SSH1: variants seen among roughly 807,000 people sequenced by gnomAD.
SSH1 encodes the protein protein phosphatase Slingshot homolog 1.
A neutral mutation model predicts 79.7 loss-of-function variants in SSH1; 43 were observed. The ratio of observed to expected loss-of-function variants is 0.54; its 90% CI spans 0.42 to 0.70. The LOEUF is 0.70. SSH1 is among the 30% of genes least tolerant of loss of function. The pLI is 0.00. For missense variants in SSH1, 1,206 were observed against 1,358.8 expected, an observed-to-expected ratio of 0.89 and a Z score of 1.77; for synonymous variants, 599 against 538.3, an observed-to-expected ratio of 1.11 and a Z score of -1.56.
In SSH1 at chr12:108,792,843, G is replaced by A. The variant is rs1565971652; in HGVS notation, c.1350-14C>T. 2 of 1,612,860 alleles carry A rather than the reference G, an allele frequency of 1.2e-6. No homozygotes were observed. The highest frequency in any genetic ancestry group is 1.3e-5 in the African/African-American group (1 of 75,028). ...TGCCGCTGTTTGCTGCGGGGAGAGA[G>A]GGTAGAGGAAGGTGAGGGGAGGAGG... On this transcript the variant is annotated splice_polypyrimidine_tract_variant and intron_variant, in intron 13 of 14. Transcript: ENST00000326495.
rs778240627 is a variant in SSH1, at chr12:108,788,169, T to A, written c.2969A>T (p.Glu990Val). ...CGGGTCAGCCTCACTGGACAGGTCT[T>A]CCGTTGAGAAGGTGAGACTCCCCAG... The part of the protein sequence containing the change: ...AKLGSLTFST[E>V]DLSSEADPST... Residue 990 changes from glutamate (E) to valine (V), a missense_variant, in exon 15 of 15, where the codon GAA becomes GTA. Around this residue, in one of 5 missense-constraint regions of SSH1, gnomAD observed 709 missense variants for 730.6 expected, o/e 0.97. Transcript: ENST00000326495. The A allele has an allele frequency of 1.2e-5, 19 of 1,613,912 alleles. No individual in the cohort carries two copies. The highest frequency in any genetic ancestry group is 3.3e-4 in the Middle Eastern group (2 of 6,062).
rs1398935389 is a variant in SSH1 at position 108,779,240 on chromosome 12, C to T, written c.*8748G>A. ...TTGAAAATGGACTCTTAACAAGGTA[C>T]TTCAGGATGCACAATTTCCATTTAA... is the stretch of plus-strand genomic sequence containing the variant. On this transcript the variant is annotated 3_prime_UTR_variant, in exon 15 of 15. Transcript: ENST00000326495. 3.9e-5 allele frequency: 6 copies of T among 152,194 alleles called. No homozygotes were observed. The highest frequency in any genetic ancestry group is 4.8e-5 in the African/African-American group (2 of 41,446). 9.4% of individuals were successfully genotyped at this position (152,194 alleles called of 1,614,324 possible). A position where few individuals can be genotyped will look rare whatever the true frequency, so the allele number is the denominator to read the frequency against.
chr12:108,818,898 T>C (rs1040792621), intron 3 of SSH1, among the ~76,000 whole-genome samples: 1 of 152,128 alleles, frequency 6.6e-6, no homozygotes, highest in Non-Finnish European at 1.5e-5. Flanking sequence ...GGATTACAGG[T>C]GCCCATCACC....
At chr12:108,798,938 G>T in intron 13 of SSH1, 62 bp downstream of exon 13, 1 of 1,583,002 alleles carries the variant, frequency 6.3e-7, no homozygotes, top group Non-Finnish European at 8.6e-7. Flanking sequence ...AGGCCTGGCT[G>T]GCTTGGCCAC....
At chr12:108,821,935 G>C (rs2038137554) in intron 3 of SSH1, among the ~76,000 whole-genome samples, 1 of 152,194 alleles carries the variant, frequency 6.6e-6, no homozygotes, top group African/African-American at 2.4e-5. Context: ...ACCTGCTGCT[G>C]TTCTGAAAGG....
At chr12:108,821,449 C>T (rs2137179212) in intron 3 of SSH1, among the ~76,000 whole-genome samples, 1 of 152,026 alleles carries the variant, frequency 6.6e-6, no homozygotes, top group South Asian at 2.1e-4. Context: ...CTGTTTATAG[C>T]TGTATTGTAC....
Position 108,801,078 on chromosome 12 carries a change from A to G in SSH1, c.1002-152T>C, listed in dbSNP as rs1343832627. On this transcript the variant is annotated intron_variant, in intron 11 of 14. Transcript: ENST00000326495. The stretch of plus-strand genomic sequence containing the variant: ...GGACTTTGGTTTTTCCTTAATAGCT[A>G]TGTTTTTTGGTATTTTCTAAATGCC... The G allele has an allele frequency of 9.4e-6, 7 of 743,070 alleles. No individual in the cohort carries two copies. The African/African-American group carries it at 1.0e-4, about 11-fold the overall frequency. 46.0% of individuals were successfully genotyped at this position (743,070 alleles called of 1,614,324 possible). A position where few individuals can be genotyped will look rare whatever the true frequency, so the allele number is the denominator to read the frequency against.
intron 1 of SSH1, among the ~76,000 whole-genome samples, chr12:108,853,827 G>C (rs1246669148): frequency 6.6e-6 from 1 of 152,090 alleles, no homozygotes; most frequent in Non-Finnish European, 1.5e-5. Context: ...GGGAGGCTGA[G>C]GCAGGAGAAT....
At chr12:108,826,190 C>G (rs55703857) in intron 2 of SSH1, 2 of 446,762 alleles carry the variant, frequency 4.5e-6, no homozygotes, top group South Asian at 3.2e-5. Flanking sequence ...CTTGGTTTCC[C>G]TTATATTTCC....
Position 108,819,361 on chromosome 12 carries a change from C to T in SSH1, c.215-1048G>A, listed in dbSNP as rs11114063. The stretch of plus-strand genomic sequence containing the variant: ...TCTCTTACTGGCCATGAGTCTCGCG[C>T]GAAGCAGAGACCCTGTCAGAAGAAG... On this transcript the variant is annotated intron_variant, in intron 3 of 14. Coordinates refer to ENST00000326495, the MANE Select transcript of SSH1 (RefSeq NM_018984.4). Among the ~76,000 whole-genome samples the T allele has an allele frequency of 6.0e-3, 916 of 152,256 alleles. 7 individuals carry two copies. The highest frequency in any genetic ancestry group is 8.3e-3 in the Non-Finnish European group (564 of 68,028).
At position 108,805,140 on chromosome 12, in the gene SSH1, T is replaced by C. The variant is rs375143131; in HGVS notation, c.870A>G (p.Glu290=). 13 of 1,613,514 alleles carry C rather than the reference T, an allele frequency of 8.1e-6. No individual in the cohort carries two copies. The highest frequency in any genetic ancestry group is 3.3e-4 in the Middle Eastern group (2 of 6,062). Residue 290 remains glutamate (E), a synonymous_variant, in exon 10 of 15, where the codon GAA becomes GAG. Transcript: ENST00000326495. The part of the protein sequence containing the change: ...LEKQMNCNLK[E]LKEFIDNEML... The stretch of plus-strand genomic sequence containing the variant: ...TCTCATTGTCTATAAATTCCTTGAG[T>C]TCCTTCAAGTTACAATTCATCTGTT...
intron 13 of SSH1, among the ~76,000 whole-genome samples, chr12:108,794,392 C>T (rs974499990): frequency 5.9e-5 from 9 of 152,168 alleles, no homozygotes; most frequent in African/African-American, 2.2e-4. Context: ...AGTGAGGGGC[C>T]GCGGTGTACC....
rs768050316 is a variant in SSH1 at position 108,818,266 on chromosome 12, C to T, written c.262G>A (p.Glu88Lys). The T allele has an allele frequency of 9.9e-6, 16 of 1,613,810 alleles. No individual in the cohort carries two copies. Among genetic ancestry groups the T allele is most frequent in the East Asian group, 8.9e-5 (4 of 44,866 alleles). Residue 88 changes from glutamate to lysine, a missense_variant, in exon 4 of 15, where the codon GAA becomes AAA. Physicochemically the swap from Glu to Lys is moderately conservative, Grantham distance 56 (BLOSUM62 1). Transcript: ENST00000326495. Reference sequence around the variant, plus strand: ...CTTCTTACCAGCTTGATTCTGTCTTCGCAACGCAGAAGGTTGATCATCACC... The same window carrying T: ...CTTCTTACCAGCTTGATTCTGTCTTTGCAACGCAGAAGGTTGATCATCACC... ...LQVMINLLRC[E>K]DRIKLAVRLE...
At chr12:108,823,542 C>T (rs763174244) in intron 2 of SSH1, among the ~76,000 whole-genome samples, 181 bp from the exon 3 acceptor site, 6 of 152,224 alleles carry the variant, frequency 3.9e-5, no homozygotes, top group Non-Finnish European at 5.9e-5. Context: ...TTGCTAAAAG[C>T]TTGCTGCTGG....
Position 108,798,229 on chromosome 12 carries a change from A to G in SSH1, c.1349+771T>C, listed in dbSNP as rs150847727. On this transcript the variant is annotated intron_variant, in intron 13 of 14. Coordinates refer to ENST00000326495, the MANE Select transcript of SSH1 (RefSeq NM_018984.4). Reference sequence around the variant, plus strand: ...CAAAAAGGGGTCAAGAAAATATACTACATCAGCAAGGCTGGTCTCGAACTC... The same window carrying G: ...CAAAAAGGGGTCAAGAAAATATACTGCATCAGCAAGGCTGGTCTCGAACTC... Among the ~76,000 whole-genome samples the G allele has an allele frequency of 2.1e-3, 319 of 152,330 alleles. 2 individuals carry two copies. The highest frequency in any genetic ancestry group is 7.4e-3 in the African/African-American group (309 of 41,572).
chr12:108,840,924 C>T (rs1179885849), intron 2 of SSH1, among the ~76,000 whole-genome samples: 2 of 152,148 alleles, frequency 1.3e-5, no homozygotes, highest in Non-Finnish European at 1.5e-5. Context: ...CCCCCATAAG[C>T]GCATGACCTT....
intron 2 of SSH1, among the ~76,000 whole-genome samples, chr12:108,839,071 AC>A (rs1347661819): frequency 6.6e-6 from 1 of 152,160 alleles, no homozygotes. Flanking sequence ...AACACACATT[AC>A]CCCTGAGGGA....
intron 2 of SSH1, 108 bp downstream of exon 2, chr12:108,852,530 C>G: frequency 6.9e-7 from 1 of 1,445,980 alleles, no homozygotes; most frequent in Non-Finnish European, 9.7e-7. Flanking sequence ...GCACCCAGCC[C>G]AAAATTGGCA....
chr12:108,793,290 C>T (rs757774153), intron 13 of SSH1, among the ~76,000 whole-genome samples: 1 of 152,142 alleles, frequency 6.6e-6, no homozygotes, highest in Non-Finnish European at 1.5e-5. Context: ...ACACATAACG[C>T]ACTGCAATGC....
Sources: gnomAD v4.1 joint callset for allele counts (sites outside exome capture counted in the v4.1 genomes callset) on GRCh38, gnomAD v4.1.1 for gene constraint, gnomAD v4.1.1 regional missense constraint, MANE v1.5 for transcripts, NCBI Gene and HGNC (gene_info 2026-07-23, HGNC 2026-07-21) for gene names.